Variants in CNTN5 observed in about 807,000 individuals in gnomAD.
The protein encoded by CNTN5 is contactin-5.
Under a neutral mutation model 129.1 loss-of-function variants are expected in CNTN5, and 77 were observed. The observed-to-expected ratio is 0.60, with a 90% confidence interval of 0.50 to 0.72. The LOEUF (loss-of-function observed/expected upper bound fraction) is 0.72, where lower values mean the gene tolerates loss of function less well. CNTN5 is among the 30% of genes least tolerant of loss of function. CNTN5 has a pLI of 0.00. For missense variants in CNTN5, 1,478 were observed against 1,328.8 expected (o/e 1.11, Z -1.75); for synonymous variants, 509 against 465.6 (o/e 1.09, Z -1.20).
intron 1 of CNTN5, among the ~76,000 whole-genome samples, chr11:99,106,351 G>A (rs886398420): frequency 6.6e-6 from 1 of 152,170 alleles, no homozygotes; most frequent in African/African-American, 2.4e-5. Flanking sequence ...TACTTATAGA[G>A]TAAGAGAACA....
intron 18 of CNTN5, among the ~76,000 whole-genome samples, chr11:100,279,997 T>C (rs1398136507): frequency 6.6e-6 from 1 of 151,170 alleles, no homozygotes; most frequent in Non-Finnish European, 1.5e-5. Flanking sequence ...TAGGTCTTGG[T>C]ATGCTGTGAT....
chr11:99,989,657 C>T (rs183365430), intron 8 of CNTN5, among the ~76,000 whole-genome samples: 210 of 152,036 alleles, frequency 1.4e-3, no homozygotes, highest in South Asian at 4.6e-3. Flanking sequence ...TCATTTTATG[C>T]GTGGAAATTT....
intron 17 of CNTN5, among the ~76,000 whole-genome samples, chr11:100,270,251 A>C (rs1170173184): frequency 2.0e-5 from 3 of 152,164 alleles, no homozygotes; most frequent in South Asian, 2.1e-4. Context: ...ATCCAAGGCG[A>C]TTTCATTCCA....
At chr11:99,159,218 A>G (rs528851838) in intron 1 of CNTN5, among the ~76,000 whole-genome samples, 1 of 152,356 alleles carries the variant, frequency 6.6e-6, no homozygotes, top group African/African-American at 2.4e-5. Flanking sequence ...GATTCAAGTT[A>G]GACATATTTT....
At chr11:99,543,061 T>C (rs1314315399) in intron 2 of CNTN5, among the ~76,000 whole-genome samples, 8 of 152,206 alleles carry the variant, frequency 5.3e-5, no homozygotes, top group Non-Finnish European at 4.4e-5. Context: ...ATCCTTGATA[T>C]ATAATCTGTG....
In CNTN5 at chr11:99,351,158, A is replaced by G. The variant is rs562794488; in HGVS notation, c.-71+25674A>G. Among the ~76,000 whole-genome samples, 7 of 152,322 alleles carry G rather than the reference A, an allele frequency of 4.6e-5. No homozygotes were observed. The South Asian group carries it at 8.3e-4, about 18-fold the overall frequency. On this transcript the variant is annotated intron_variant, in intron 2 of 24. Coordinates refer to ENST00000524871, the MANE Select transcript of CNTN5 (RefSeq NM_014361.4). ...GTTCTACACATGTAACCCAGAACTT[A>G]AAGTATAATAATAAAAAAAGGTCCA...
intron 13 of CNTN5, among the ~76,000 whole-genome samples, chr11:100,104,591 G>A (rs1370225189): frequency 6.6e-6 from 1 of 151,998 alleles, no homozygotes; most frequent in African/African-American, 2.4e-5. Flanking sequence ...ATTAACAAAA[G>A]TAATCCTTAG....
intron 1 of CNTN5, among the ~76,000 whole-genome samples, chr11:99,221,912 T>C (rs181380419): frequency 7.8e-4 from 118 of 152,068 alleles, no homozygotes; most frequent in African/African-American, 2.5e-3. Context: ...TTTACTTTCA[T>C]CTACTGGAAT....
chr11:99,118,513 T>A (rs988410724), intron 1 of CNTN5, among the ~76,000 whole-genome samples: 6 of 152,110 alleles, frequency 3.9e-5, no homozygotes, highest in Non-Finnish European at 5.9e-5. Flanking sequence ...GGTTTATTCA[T>A]TGTATTCTAA....
At chr11:99,100,984 G>C (rs546459295) in intron 1 of CNTN5, among the ~76,000 whole-genome samples, 23 of 152,224 alleles carry the variant, frequency 1.5e-4, no homozygotes, top group Non-Finnish European at 2.4e-4. Context: ...GATAAAGGCA[G>C]ACCTGAGCCT....
intron 2 of CNTN5, among the ~76,000 whole-genome samples, chr11:99,462,567 A>C (rs1056241477): frequency 6.6e-6 from 1 of 151,776 alleles, no homozygotes; most frequent in Non-Finnish European, 1.5e-5. Flanking sequence ...AAATATTTGA[A>C]GTTAATTCAT....
intron 9 of CNTN5, among the ~76,000 whole-genome samples, chr11:100,055,182 C>G (rs149198950): frequency 7.3e-5 from 11 of 151,400 alleles, no homozygotes; most frequent in African/African-American, 2.4e-4. Context: ...ATGATTTTGT[C>G]ATTAATTTCA....
At chr11:99,640,808 G>T (rs1041742222) in intron 3 of CNTN5, among the ~76,000 whole-genome samples, 1 of 152,124 alleles carries the variant, frequency 6.6e-6, no homozygotes, top group Non-Finnish European at 1.5e-5. Context: ...TTGCCTGACA[G>T]CACATTTCTC....
chr11:99,759,243 G>T (rs1944499177), intron 3 of CNTN5, among the ~76,000 whole-genome samples: 2 of 152,120 alleles, frequency 1.3e-5, no homozygotes, highest in Middle Eastern at 3.4e-3. Context: ...TGTGTGTTAT[G>T]GCCGAGCATA....
chr11:99,999,979 G>A (rs1485871929), intron 8 of CNTN5, among the ~76,000 whole-genome samples: 1 of 150,898 alleles, frequency 6.6e-6, no homozygotes, highest in African/African-American at 2.5e-5. Flanking sequence ...GACACAGGAA[G>A]GGGAACATCA....
chr11:100,128,103 G>A (rs969118271), intron 13 of CNTN5, among the ~76,000 whole-genome samples: 2 of 151,930 alleles, frequency 1.3e-5, no homozygotes, highest in Non-Finnish European at 2.9e-5. Context: ...TCTTTGACTC[G>A]AATATCTCCT....
intron 13 of CNTN5, among the ~76,000 whole-genome samples, chr11:100,120,096 C>T (rs113172036): frequency 2.4e-4 from 37 of 151,826 alleles, no homozygotes; most frequent in African/African-American, 8.7e-4. Flanking sequence ...ATAATATCTC[C>T]TTTATGCCTG....
chr11:100,297,769 G>A, intron 19 of CNTN5, 74 bp downstream of exon 19: 2 of 1,128,202 alleles, frequency 1.8e-6, no homozygotes, highest in Non-Finnish European at 2.6e-6. Flanking sequence ...ATTATTTTAT[G>A]ATTAAGCAGT....
At chr11:99,741,814 T>G (rs960942648) in intron 3 of CNTN5, among the ~76,000 whole-genome samples, 10 of 152,164 alleles carry the variant, frequency 6.6e-5, no homozygotes, top group Admixed American at 2.6e-4. Flanking sequence ...CCATTACATT[T>G]ACATATCATG....
Sources: gnomAD v4.1 joint callset for allele counts (sites outside exome capture counted in the v4.1 genomes callset) on GRCh38, gnomAD v4.1.1 for gene constraint, MANE v1.5 for transcripts, NCBI Gene and HGNC (gene_info 2026-07-23, HGNC 2026-07-21) for gene names.